UBL3: variants seen among roughly 807,000 people sequenced by gnomAD.
UBL3 encodes the protein ubiquitin like 3.
A neutral mutation model predicts 18.4 loss-of-function variants in UBL3; 6 were observed. The observed-to-expected ratio is 0.33, with a 90% CI of 0.18 to 0.64. The LOEUF (loss-of-function observed/expected upper bound fraction) is 0.64, where lower values mean the gene tolerates loss of function less well. Ranked by LOEUF, UBL3 falls within the 30% of genes least tolerant of loss-of-function variation. The pLI, the probability that UBL3 is intolerant of heterozygous loss-of-function variation, is 0.76. For synonymous variants in UBL3, 49 were observed against 46.6 expected (o/e 1.05, Z -0.21); for missense variants, 109 against 142.9 (o/e 0.76, Z 1.21).
intron 1 of UBL3, among the ~76,000 whole-genome samples, chr13:29,847,638 A>T (rs1209430575): frequency 6.6e-6 from 1 of 152,156 alleles, no homozygotes; most frequent in Non-Finnish European, 1.5e-5. Flanking sequence ...TTAATAACAC[A>T]TCTATTTCAT....
intron 3 of UBL3, among the ~76,000 whole-genome samples, chr13:29,770,304 G>A (rs907926632): frequency 5.9e-5 from 9 of 151,960 alleles, no homozygotes; most frequent in East Asian, 1.9e-4. Flanking sequence ...AATTATTAAC[G>A]CGGAGGTCCA....
intron 1 of UBL3, among the ~76,000 whole-genome samples, chr13:29,780,022 G>A (rs188422251): frequency 6.6e-6 from 1 of 152,172 alleles, no homozygotes; most frequent in Admixed American, 6.5e-5. Flanking sequence ...CCTGTCTACT[G>A]TATTTTGCTG....
chr13:29,845,110 T>G (rs1436836826), intron 1 of UBL3, among the ~76,000 whole-genome samples: 1 of 152,028 alleles, frequency 6.6e-6, no homozygotes, highest in Admixed American at 6.6e-5. Context: ...GAAAAATGGT[T>G]TACAAGAAGG....
At chr13:29,807,666 T>C (rs937444599) in intron 1 of UBL3, among the ~76,000 whole-genome samples, 2 of 152,144 alleles carry the variant, frequency 1.3e-5, no homozygotes, top group Admixed American at 6.6e-5. Context: ...GTAGTCTTAA[T>C]AGCATCACTG....
chr13:29,776,211 G>A (rs1406080039), intron 2 of UBL3, among the ~76,000 whole-genome samples: 2 of 147,384 alleles, frequency 1.4e-5, no homozygotes, highest in African/African-American at 5.0e-5. Context: ...ATATGAAGGT[G>A]TGTGTATATT....
chr13:29,843,040 C>T (rs961524234), intron 1 of UBL3, among the ~76,000 whole-genome samples: 1 of 152,164 alleles, frequency 6.6e-6, no homozygotes, highest in African/African-American at 2.4e-5. Flanking sequence ...TAAGTAGGCA[C>T]ACTGATCACA....
chr13:29,835,149 T>TATAA (rs1878919346), intron 1 of UBL3, among the ~76,000 whole-genome samples: 11 of 18,600 alleles, frequency 5.9e-4, no homozygotes, highest in African/African-American at 9.0e-4. Context: ...TATATATATA[T>TATAA]ATATATATAT....
chr13:29,786,817 T>G (rs1170650899), intron 1 of UBL3, among the ~76,000 whole-genome samples: 1 of 152,198 alleles, frequency 6.6e-6, no homozygotes, highest in African/African-American at 2.4e-5. Flanking sequence ...CAAATCCTTA[T>G]AGGTAGAACA....
chr13:29,831,317 C>A (rs535727905), intron 1 of UBL3, among the ~76,000 whole-genome samples: 198 of 152,212 alleles, frequency 1.3e-3, no homozygotes, highest in Non-Finnish European at 2.4e-3. Context: ...TTGCTGGGCG[C>A]GGTGGCTCAC....
At chr13:29,815,535 TAAAC>T (rs1361922137) in intron 1 of UBL3, among the ~76,000 whole-genome samples, 1 of 152,192 alleles carries the variant, frequency 6.6e-6, no homozygotes, top group Non-Finnish European at 1.5e-5. Flanking sequence ...ACAGCTAAAC[TAAAC>T]AAACAAAACC....
At chr13:29,846,070 A>G (rs1046068742) in intron 1 of UBL3, among the ~76,000 whole-genome samples, 5 of 152,134 alleles carry the variant, frequency 3.3e-5, no homozygotes, top group Admixed American at 6.5e-5. Context: ...GGCAGTAAAT[A>G]TTTTCTTGCA....
intron 1 of UBL3, among the ~76,000 whole-genome samples, chr13:29,830,457 C>T (rs923755587): frequency 6.6e-6 from 1 of 152,182 alleles, no homozygotes; most frequent in Non-Finnish European, 1.5e-5. Context: ...AATGAAAAAG[C>T]CATTTGCTTC....
At position 29,791,596 on chromosome 13, in the gene UBL3, T is replaced by G. The variant is rs531407814; in HGVS notation, c.28-14333A>C. Among the ~76,000 whole-genome samples, 3 of 152,350 alleles carry G rather than the reference T, an allele frequency of 2.0e-5. No homozygotes were observed. In the East Asian group the frequency reaches 5.8e-4, roughly 29 times the overall value. On this transcript the variant is annotated intron_variant, in intron 1 of 4. Transcript: ENST00000380680. Reference sequence around the variant, plus strand: ...CACCAGAATGACTTTCTGATTGTTCTTGTTCGGTTCTGAGGTCACCTTTGA... The same window carrying G: ...CACCAGAATGACTTTCTGATTGTTCGTGTTCGGTTCTGAGGTCACCTTTGA...
intron 1 of UBL3, among the ~76,000 whole-genome samples, chr13:29,846,095 G>A (rs1593680213): frequency 6.6e-6 from 1 of 151,994 alleles, no homozygotes; most frequent in African/African-American, 2.4e-5. Flanking sequence ...ACCTACAGTG[G>A]TTAACATAAG....
At chr13:29,772,321 C>CTA in intron 2 of UBL3, 123 bp from the exon 3 acceptor site, 1 of 617,756 alleles carries the variant, frequency 1.6e-6, no homozygotes, top group Non-Finnish European at 2.6e-6. Flanking sequence ...GAGCTTCCTA[C>CTA]TACTATTAGA....
chr13:29,823,957 G>C (rs1878548637), intron 1 of UBL3, among the ~76,000 whole-genome samples: 1 of 150,842 alleles, frequency 6.6e-6, no homozygotes. Context: ...AACATGCGGT[G>C]TTTGGTTTTC....
intron 1 of UBL3, among the ~76,000 whole-genome samples, chr13:29,821,746 T>C (rs1878456966): frequency 6.6e-6 from 1 of 152,212 alleles, no homozygotes; most frequent in African/African-American, 2.4e-5. Flanking sequence ...GAAAATTTTT[T>C]ACTAATTTTC....
Position 29,849,558 on chromosome 13 carries a change from C to A in UBL3, c.-20G>T, listed in dbSNP as rs751013060. 2 of 1,613,660 alleles carry A rather than the reference C, an allele frequency of 1.2e-6. No homozygotes were observed. Among genetic ancestry groups the A allele is most frequent in the Non-Finnish European group, 1.7e-6 (2 of 1,179,998 alleles). On this transcript the variant is annotated 5_prime_UTR_variant, in exon 1 of 5. Coordinates refer to ENST00000380680, the MANE Select transcript of UBL3 (RefSeq NM_007106.4). ...GGACATCTTGCCGTTTGATATACAC[C>A]CAGATGTTTACGAAAAAAACAAACA...
chr13:29,800,406 C>T (rs759509261), intron 1 of UBL3, among the ~76,000 whole-genome samples: 1 of 152,070 alleles, frequency 6.6e-6, no homozygotes, highest in Admixed American at 6.6e-5. Flanking sequence ...ACAGTGTAAG[C>T]CTGTTTGAAA....
Sources: gnomAD v4.1 joint callset for allele counts (sites outside exome capture counted in the v4.1 genomes callset) on GRCh38, gnomAD v4.1.1 for gene constraint, MANE v1.5 for transcripts, NCBI Gene and HGNC (gene_info 2026-07-23, HGNC 2026-07-21) for gene names.